PITPNB: variants seen among roughly 807,000 people sequenced by gnomAD.
The protein encoded by PITPNB is phosphatidylinositol transfer protein beta isoform.
A neutral mutation model predicts 45.9 loss-of-function variants in PITPNB; 16 were observed. The observed-to-expected ratio is 0.35, with a 90% CI of 0.24 to 0.53. PITPNB has a LOEUF of 0.53. Among genes scored for constraint, PITPNB ranks in the 20% least tolerant of loss-of-function variants. PITPNB has a pLI of 0.93. For missense variants in PITPNB, 188 were observed against 330.5 expected, an observed-to-expected ratio of 0.57 and a Z score of 3.34; for synonymous variants, 112 against 108.9, an observed-to-expected ratio of 1.03 and a Z score of -0.18.
intron 3 of PITPNB, among the ~76,000 whole-genome samples, chr22:27,903,669 G>C (rs1333911343): frequency 6.7e-6 from 1 of 150,322 alleles, no homozygotes; most frequent in African/African-American, 2.4e-5. Flanking sequence ...CCAGCTACTC[G>C]AGAGGCTGAG....
intron 7 of PITPNB, among the ~76,000 whole-genome samples, chr22:27,890,774 A>G (rs1277079198): frequency 6.6e-6 from 1 of 152,232 alleles, no homozygotes; most frequent in Non-Finnish European, 1.5e-5. Context: ...AGATCGCGCC[A>G]CTGCACTCCA....
intron 7 of PITPNB, among the ~76,000 whole-genome samples, chr22:27,878,108 T>C (rs1033521392): frequency 6.6e-6 from 1 of 152,230 alleles, no homozygotes; most frequent in Non-Finnish European, 1.5e-5. Flanking sequence ...AATCATTAAG[T>C]TTTAAATGCA....
At chr22:27,890,908 T>C (rs1168474613) in intron 7 of PITPNB, among the ~76,000 whole-genome samples, 1 of 152,210 alleles carries the variant, frequency 6.6e-6, no homozygotes, top group East Asian at 1.9e-4. Flanking sequence ...AGGAATGAAG[T>C]ACTGACACAC....
At position 27,887,889 on chromosome 22, in the gene PITPNB, A is replaced by G. The variant is rs182477322; in HGVS notation, c.456+6666T>C. Among the ~76,000 whole-genome samples, 973 of 152,162 alleles carry G rather than the reference A, an allele frequency of 6.4e-3. 6 individuals are homozygous for G. Among genetic ancestry groups the G allele is most frequent in the Middle Eastern group, 0.031 (9 of 294 alleles). On this transcript the variant is annotated intron_variant, in intron 7 of 11. Coordinates refer to ENST00000335272, the MANE Select transcript of PITPNB (RefSeq NM_012399.5). ...TAATTAATCAAACTAATCAGGTCAC[A>G]TTACCCAGCCACTAAATATGTAGTG... is the stretch of plus-strand genomic sequence containing the variant.
At chr22:27,860,544 A>T (rs1046435790) in intron 8 of PITPNB, 1 of 224,830 alleles carries the variant, frequency 4.4e-6, no homozygotes, top group Non-Finnish European at 9.0e-6. Flanking sequence ...CATCAAACCA[A>T]TAGTGTCTTT....
At chr22:27,887,868 T>C (rs1935169664) in intron 7 of PITPNB, among the ~76,000 whole-genome samples, 2 of 152,188 alleles carry the variant, frequency 1.3e-5, no homozygotes, top group East Asian at 3.9e-4. Context: ...TTCCCTTAAT[T>C]AATCAAACTA....
chr22:27,899,056 T>C (rs1176648751), intron 3 of PITPNB, among the ~76,000 whole-genome samples: 1 of 152,222 alleles, frequency 6.6e-6, no homozygotes, highest in African/African-American at 2.4e-5. Flanking sequence ...CTGTGTGACC[T>C]TAGGCCTGCT....
intron 2 of PITPNB, among the ~76,000 whole-genome samples, chr22:27,912,387 G>A (rs1935951671): frequency 1.3e-5 from 2 of 152,202 alleles, no homozygotes; most frequent in South Asian, 4.2e-4. Flanking sequence ...TCTCCTTTTG[G>A]CTTTCCATGA....
At chr22:27,899,755 G>T (rs1935540463) in intron 3 of PITPNB, among the ~76,000 whole-genome samples, 1 of 152,138 alleles carries the variant, frequency 6.6e-6, no homozygotes, top group Non-Finnish European at 1.5e-5. Context: ...CATTGCTAAA[G>T]AACTAGAACC....
chr22:27,916,433 G>A (rs895431726), intron 1 of PITPNB, among the ~76,000 whole-genome samples: 2 of 152,112 alleles, frequency 1.3e-5, no homozygotes, highest in African/African-American at 4.8e-5. Context: ...TACATTAATG[G>A]TAACTTCATC....
Position 27,862,603 on chromosome 22 carries a change from G to A in PITPNB, c.535-2362C>T, listed in dbSNP as rs114634367. Among the ~76,000 whole-genome samples the A allele has an allele frequency of 6.8e-3, 1,033 of 152,108 alleles. 7 individuals are homozygous for A. The highest frequency in any genetic ancestry group is 0.023 in the African/African-American group (935 of 41,478). Reference sequence around the variant, plus strand: ...TAGCTTAGCTCTATTTTTCCATGACGTTTCCCCCTTAAAACAGAGTACCAA... The same window carrying A: ...TAGCTTAGCTCTATTTTTCCATGACATTTCCCCCTTAAAACAGAGTACCAA... On this transcript the variant is annotated intron_variant, in intron 8 of 11. Transcript: ENST00000335272.
chr22:27,875,752 G>A (rs1473553048), intron 7 of PITPNB, among the ~76,000 whole-genome samples: 1 of 152,128 alleles, frequency 6.6e-6, no homozygotes, highest in African/African-American at 2.4e-5. Context: ...TAGCACACCA[G>A]ACGTTATTAG....
intron 8 of PITPNB, among the ~76,000 whole-genome samples, chr22:27,868,657 C>A (rs181862231): frequency 6.6e-6 from 1 of 152,258 alleles, no homozygotes; most frequent in African/African-American, 2.4e-5. Flanking sequence ...AGAGTTAACA[C>A]AGAAGACAAA....
rs188551838 is a variant in PITPNB, at chr22:27,878,385, G to C, written c.457-4570C>G. Among the ~76,000 whole-genome samples the C allele has an allele frequency of 9.2e-5, 14 of 152,242 alleles. No individual in the cohort carries two copies. The East Asian group carries it at 2.7e-3, about 29-fold the overall frequency. Reference sequence around the variant, plus strand: ...GAGTAAGTAAGCCCATTAAAAAAAAGTTTACATTAAATTTTGCAAAAGCAA... The same window carrying C: ...GAGTAAGTAAGCCCATTAAAAAAAACTTTACATTAAATTTTGCAAAAGCAA... On this transcript the variant is annotated intron_variant, in intron 7 of 11. Transcript: ENST00000335272.
At chr22:27,857,135 G>A (rs1934197098) in intron 10 of PITPNB, among the ~76,000 whole-genome samples, 3 of 152,116 alleles carry the variant, frequency 2.0e-5, no homozygotes, top group Admixed American at 2.0e-4. Context: ...ATATTAGTAT[G>A]AGAAATTGGG....
rs937157771 is a variant in PITPNB at position 27,859,076 on chromosome 22, T to G, written c.646-567A>C. Among the ~76,000 whole-genome samples, 103 of 152,320 alleles carry G rather than the reference T, an allele frequency of 6.8e-4. 1 individual carries two copies. Among genetic ancestry groups the G allele is most frequent in the African/African-American group, 2.4e-3 (99 of 41,580 alleles). ...TTAGCGGTTTCAATTGATGGATTAT[T>G]TAAGTTTTATTCAGCTTTCCCAAGA... is the stretch of plus-strand genomic sequence containing the variant. On this transcript the variant is annotated intron_variant, in intron 9 of 11. Coordinates refer to ENST00000335272, the MANE Select transcript of PITPNB (RefSeq NM_012399.5).
intron 7 of PITPNB, among the ~76,000 whole-genome samples, chr22:27,875,441 A>C (rs1934794404): frequency 1.3e-5 from 2 of 152,214 alleles, no homozygotes; most frequent in Non-Finnish European, 2.9e-5. Flanking sequence ...CTTAAACTAC[A>C]ATTTTGAACT....
chr22:27,904,965 G>C (rs894160318), intron 3 of PITPNB, among the ~76,000 whole-genome samples: 2 of 152,072 alleles, frequency 1.3e-5, no homozygotes, highest in Non-Finnish European at 1.5e-5. Context: ...CCATCAAGAG[G>C]AAACAATATA....
chr22:27,897,714 T>G, intron 4 of PITPNB, 87 bp downstream of exon 4: 1 of 886,142 alleles, frequency 1.1e-6, no homozygotes, highest in Non-Finnish European at 1.9e-6. Flanking sequence ...CCTTGCTCAG[T>G]GTAAACCTTC....
Sources: allele counts gnomAD v4.1 joint callset (sites outside exome capture counted in the v4.1 genomes callset), GRCh38; gene constraint gnomAD v4.1.1; transcripts MANE v1.5; gene names NCBI Gene and HGNC (gene_info 2026-07-23, HGNC 2026-07-21).